PDE4B: variants seen among roughly 807,000 people sequenced by gnomAD.
The protein encoded by PDE4B is 3',5'-cyclic-AMP phosphodiesterase 4B.
PDE4B carries 20 observed loss-of-function variants against 82.2 expected under a neutral mutation model. The observed-to-expected ratio is 0.24, with a 90% confidence interval of 0.17 to 0.35. The LOEUF (loss-of-function observed/expected upper bound fraction) is 0.35, where lower values mean the gene tolerates loss of function less well. PDE4B is among the 10% of genes least tolerant of loss of function. The pLI, the probability that PDE4B is intolerant of heterozygous loss-of-function variation, is 1.00. For synonymous variants in PDE4B, 320 were observed against 318.9 expected (o/e 1.00, Z -0.04); for missense variants, 655 against 907.2 (o/e 0.72, Z 3.57).
chr1:66,096,155 C>A (rs1345666935), intron 3 of PDE4B, among the ~76,000 whole-genome samples: 3 of 151,674 alleles, frequency 2.0e-5, no homozygotes, highest in Non-Finnish European at 3.0e-5. Flanking sequence ...TTTAAAAAAT[C>A]TGTGCATATA....
intron 1 of PDE4B, among the ~76,000 whole-genome samples, chr1:65,855,539 A>T (rs1026808226): frequency 1.1e-4 from 16 of 152,248 alleles, no homozygotes; most frequent in African/African-American, 3.1e-4. Flanking sequence ...TCAGAACTCA[A>T]ATGTTTCCCA....
chr1:66,139,657 T>C (rs1401392472), intron 3 of PDE4B, among the ~76,000 whole-genome samples: 1 of 151,210 alleles, frequency 6.6e-6, no homozygotes, highest in African/African-American at 2.4e-5. Context: ...CTGAGATCCT[T>C]CTGCCCACTC....
At chr1:66,107,255 A>G (rs1645383773) in intron 3 of PDE4B, among the ~76,000 whole-genome samples, 1 of 151,874 alleles carries the variant, frequency 6.6e-6, no homozygotes, top group Admixed American at 6.6e-5. Flanking sequence ...GTTTTGAGTG[A>G]GTTTCTTAAT....
At chr1:66,162,200 C>A (rs1380886224) in intron 3 of PDE4B, among the ~76,000 whole-genome samples, 1 of 150,664 alleles carries the variant, frequency 6.6e-6, no homozygotes, top group Admixed American at 6.6e-5. Flanking sequence ...CCCTGAGGCT[C>A]TAGGGATGTT....
intron 3 of PDE4B, among the ~76,000 whole-genome samples, chr1:66,090,747 A>G (rs1645006015): frequency 6.6e-6 from 1 of 151,236 alleles, no homozygotes; most frequent in South Asian, 2.1e-4. Flanking sequence ...ATATACATAT[A>G]TATGTATGTA....
At chr1:66,082,003 G>A (rs1345809747) in intron 3 of PDE4B, among the ~76,000 whole-genome samples, 1 of 151,994 alleles carries the variant, frequency 6.6e-6, no homozygotes, top group Non-Finnish European at 1.5e-5. Context: ...TCTTTAGATG[G>A]ACTAATATAT....
chr1:66,140,853 T>C (rs1229750839), intron 3 of PDE4B, among the ~76,000 whole-genome samples: 1 of 152,298 alleles, frequency 6.6e-6, no homozygotes, highest in African/African-American at 2.4e-5. Context: ...ACATTTTTGC[T>C]CTCTTGAAAA....
At chr1:65,925,391 A>C (rs1362456540) in intron 3 of PDE4B, among the ~76,000 whole-genome samples, 1 of 152,168 alleles carries the variant, frequency 6.6e-6, no homozygotes, top group Non-Finnish European at 1.5e-5. Flanking sequence ...TCAGTGTGCA[A>C]AAAAGTATAC....
intron 7 of PDE4B, among the ~76,000 whole-genome samples, chr1:66,286,947 G>T (rs1230393648): frequency 1.3e-5 from 2 of 152,166 alleles, no homozygotes; most frequent in Admixed American, 6.6e-5. Flanking sequence ...AATCTTAAAC[G>T]TAGCAACACT....
intron 3 of PDE4B, among the ~76,000 whole-genome samples, chr1:65,986,477 C>G (rs1052012651): frequency 6.6e-5 from 10 of 152,160 alleles, no homozygotes; most frequent in Non-Finnish European, 7.3e-5. Flanking sequence ...ACAGTGAAAA[C>G]TGCACAAAAT....
rs186968231 is a variant in PDE4B at position 65,911,891 on chromosome 1, C to T, written c.-70-1354C>T. ...CAAATTATGTGTTAGAAATTCAACC[C>T]TGGTTTCCTGGGTGATGGTACAATG... On this transcript the variant is annotated intron_variant, in intron 1 of 16. Transcript: ENST00000341517. Among the ~76,000 whole-genome samples, 4 of 152,284 alleles carry T rather than the reference C, an allele frequency of 2.6e-5. No homozygotes were observed. In the East Asian group the frequency reaches 7.7e-4, roughly 29 times the overall value.
At chr1:66,013,700 C>T (rs1360069658) in intron 3 of PDE4B, among the ~76,000 whole-genome samples, 1 of 152,020 alleles carries the variant, frequency 6.6e-6, no homozygotes, top group Non-Finnish European at 1.5e-5. Flanking sequence ...AACTCATCCA[C>T]CTATGGAAAT....
At chr1:66,215,224 G>C (rs1237334050) in intron 3 of PDE4B, among the ~76,000 whole-genome samples, 2 of 152,148 alleles carry the variant, frequency 1.3e-5, no homozygotes, top group Admixed American at 6.5e-5. Context: ...GAAGGTTTTA[G>C]CATTAGCCAA....
At chr1:66,003,721 A>G (rs1651995323) in intron 3 of PDE4B, among the ~76,000 whole-genome samples, 4 of 152,170 alleles carry the variant, frequency 2.6e-5, no homozygotes, top group Non-Finnish European at 1.5e-5. Flanking sequence ...TTATCTCACC[A>G]TCAGGATTCT....
chr1:66,368,219 G>T, intron 15 of PDE4B, 154 bp downstream of exon 15: 1 of 624,834 alleles, frequency 1.6e-6, no homozygotes, highest in South Asian at 2.7e-5. Flanking sequence ...TAAGGAAAAT[G>T]GACATTCAAG....
At chr1:66,259,189 A>C (rs1177242579) in intron 6 of PDE4B, among the ~76,000 whole-genome samples, 1 of 152,206 alleles carries the variant, frequency 6.6e-6, no homozygotes, top group African/African-American at 2.4e-5. Context: ...ACTAGTATTT[A>C]TTTAGTACAT....
At chr1:66,274,222 A>G (rs1175993083) in intron 7 of PDE4B, among the ~76,000 whole-genome samples, 1 of 151,446 alleles carries the variant, frequency 6.6e-6, no homozygotes, top group Non-Finnish European at 1.5e-5. Flanking sequence ...GAGCAATGGT[A>G]CAATCTCAGC....
intron 1 of PDE4B, among the ~76,000 whole-genome samples, chr1:65,891,732 AT>A (rs1186316692): frequency 6.6e-6 from 1 of 152,092 alleles, no homozygotes; most frequent in Non-Finnish European, 1.5e-5. Context: ...GCATGGCAGA[AT>A]TTTATTGCAG....
rs1331642497 is a variant in PDE4B, at chr1:65,831,506, C to T, written c.-71+38258C>T. ...ATTAGAAAACTTGCTAGTTCTATGG[C>T]TATTAAGTAAATTGAATTTTTAGTT... On this transcript the variant is annotated intron_variant, in intron 1 of 16. Transcript: ENST00000341517. Among the ~76,000 whole-genome samples, 10 of 152,220 alleles carry T rather than the reference C, an allele frequency of 6.6e-5. No individual in the cohort carries two copies. In the East Asian group the frequency reaches 1.2e-3, roughly 18 times the overall value.
Sources: allele counts gnomAD v4.1 joint callset (sites outside exome capture counted in the v4.1 genomes callset), GRCh38; gene constraint gnomAD v4.1.1; transcripts MANE v1.5; gene names NCBI Gene and HGNC (gene_info 2026-07-23, HGNC 2026-07-21).